The following CFAP65 variants were observed in gnomAD, a reference collection of about 807,000 sequenced individuals.
CFAP65 encodes cilia- and flagella-associated protein 65.
Under a neutral mutation model 208.0 loss-of-function variants are expected in CFAP65, and 155 were observed. The observed-to-expected ratio is 0.75, with a 90% CI of 0.65 to 0.85. CFAP65 has a LOEUF of 0.85. CFAP65 is among the 40% of genes least tolerant of loss of function. The probability of loss-of-function intolerance (pLI) is 0.00; values close to 1 mark genes in which losing one functional copy is unlikely to be tolerated. For missense variants in CFAP65, 2,294 were observed against 2,451.3 expected, an observed-to-expected ratio of 0.94 and a Z score of 1.36; for synonymous variants, 970 against 986.3, an observed-to-expected ratio of 0.98 and a Z score of 0.31.
At position 219,032,493 on chromosome 2, in the gene CFAP65, T is replaced by C; in HGVS notation, c.622A>G (p.Ile208Val). 3.1e-6 allele frequency: 5 copies of C among 1,602,292 alleles called. No individual in the cohort carries two copies. The highest frequency in any genetic ancestry group is 2.6e-6 in the Non-Finnish European group (3 of 1,174,634). ...LSPGITLTLP[I>V]VFRPLEAKEY... ...ACCGCCTCCAGAGGCCGGAAGACGA[T>C]GGGGAGCGTGAGGGTTATGCCTGGG... Residue 208 changes from isoleucine to valine, a missense_variant, in exon 6 of 35, where the codon ATC becomes GTC. By Grantham distance (29) the Ile-to-Val change is conservative (BLOSUM62 3). Around this residue, in one of 2 missense-constraint regions of CFAP65, gnomAD observed 867 missense variants for 1,012.6 expected, o/e 0.86. Coordinates refer to ENST00000341552, the MANE Select transcript of CFAP65 (RefSeq NM_194302.4). This position sits in a 1 kb window ranked among gnomAD's most constrained non-coding sequence, Gnocchi z 5.5.
chr2:219,037,219 C>T lies in CFAP65; in HGVS notation c.357+1156G>A, dbSNP rs377122260. 1.2e-3 allele frequency among the ~76,000 whole-genome samples: 179 copies of T among 152,068 alleles called. 1 individual carries two copies. The highest frequency in any genetic ancestry group is 4.1e-3 in the African/African-American group (170 of 41,486). On this transcript the variant is annotated intron_variant, in intron 4 of 34. Coordinates refer to ENST00000341552, the MANE Select transcript of CFAP65 (RefSeq NM_194302.4). ...AGCCTGGCCAATATGGTGAAACCCC[C>T]GTCTCTACTAAAAATACAAAAAATT...
intron 28 of CFAP65, 39 bp from the exon 29 acceptor site, chr2:219,009,193 G>C: frequency 6.3e-7 from 1 of 1,585,982 alleles, no homozygotes; most frequent in Non-Finnish European, 8.6e-7. Flanking sequence ...CCAAGGTCTG[G>C]AGCTTGCCCG....
In CFAP65 at chr2:219,003,079, TGCCCCCGTG is replaced by T. The variant is rs1945687288; in HGVS notation, c.5693+47_5693+55del. On this transcript the variant is annotated intron_variant, in intron 34 of 34. Coordinates refer to ENST00000341552, the MANE Select transcript of CFAP65 (RefSeq NM_194302.4). This position sits in a 1 kb window ranked among gnomAD's most constrained non-coding sequence, Gnocchi z 4.4. ...GGCGAGGCTTCGGGCAGAGCCTGGC[TGCCCCCGTG>T]GCCCCTCTCGCGCGGTCTGCGCGGC... 2.6e-6 allele frequency: 4 copies of T among 1,548,378 alleles called. No individual in the cohort carries two copies. Among genetic ancestry groups the T allele is most frequent in the Non-Finnish European group, 3.5e-6 (4 of 1,145,226 alleles).
In CFAP65 at chr2:219,021,907, A is replaced by G. The variant is rs567062807; in HGVS notation, c.3003T>C (p.Phe1001=). Residue 1001 remains phenylalanine (F), a synonymous_variant, in exon 18 of 35, where the codon TTT becomes TTC. Coordinates refer to ENST00000341552, the MANE Select transcript of CFAP65 (RefSeq NM_194302.4). ...SLSAKEKELA[F]GNVLVNSKQS... ...GCTTGCTGTTCACCAGCACATTCCC[A>G]AAGGCCAGCTCCTTTTCCTTTGCCT... 5.0e-6 allele frequency: 8 copies of G among 1,613,654 alleles called. No individual in the cohort carries two copies. The African/African-American group carries it at 1.1e-4, about 22-fold the overall frequency.
rs5838715 is a variant in CFAP65 at position 219,031,925 on chromosome 2, C to CT, written c.646-268dup. Among the ~76,000 whole-genome samples, 310 of 131,354 alleles carry CT rather than the reference C, an allele frequency of 2.4e-3. No individual in the cohort carries two copies. Among genetic ancestry groups the CT allele is most frequent in the Middle Eastern group, 3.9e-3 (1 of 254 alleles). The allele number at this position is 131,354 out of a possible 152,430, so 86.2% of individuals were successfully genotyped here. A position where few individuals can be genotyped will look rare whatever the true frequency, so the allele number is the denominator to read the frequency against. ...ATGTAGAAGGGGTTTCTTTTCTTTT[C>CT]TTTTTTTTTTTTTTTTTTTGAGTCT... On this transcript the variant is annotated intron_variant, in intron 6 of 34. Transcript: ENST00000341552. This position sits in a 1 kb window ranked among gnomAD's most constrained non-coding sequence, Gnocchi z 5.2.
rs1945799274 is a variant in CFAP65 at position 219,004,540 on chromosome 2, T to C, written c.5052-85A>G. The C allele has an allele frequency of 3.4e-6, 5 of 1,455,810 alleles. No individual in the cohort carries two copies. Among genetic ancestry groups the C allele is most frequent in the Middle Eastern group, 2.1e-4 (1 of 4,858 alleles). 90.2% of individuals were successfully genotyped at this position (1,455,810 alleles called of 1,614,324 possible). ...CCTGGCTTCAGAGCTAGGTTCTAGG[T>C]GGGAAAGGGGCTGCTAGGTGGGGAG... is the stretch of plus-strand genomic sequence containing the variant. On this transcript the variant is annotated intron_variant, in intron 32 of 34. Transcript: ENST00000341552. The surrounding 1 kb of genome is among the most constrained non-coding windows in gnomAD (Gnocchi z 4.7).
chr2:219,023,117 T>C, intron 16 of CFAP65, 90 bp downstream of exon 16: 2 of 1,103,294 alleles, frequency 1.8e-6, no homozygotes, highest in Non-Finnish European at 2.7e-6. Flanking sequence ...AATTGGGGGC[T>C]GCACATGGCA....
At chr2:219,019,355 C>T in intron 20 of CFAP65, 151 bp downstream of exon 20, 9 of 1,034,182 alleles carry the variant, frequency 8.7e-6, no homozygotes, top group South Asian at 1.7e-5. Context: ...CTTCCCTGGG[C>T]CCCTCCAGGG....
chr2:219,003,294 C>T lies in CFAP65; in HGVS notation c.5556-22G>A. ...GAGCCTGCGAGGGGGCGGGGGCTAGCATGAGGGCGGCCGCAGTGCCCGCGC... is the reference window on the plus strand; with the variant it reads ...GAGCCTGCGAGGGGGCGGGGGCTAGTATGAGGGCGGCCGCAGTGCCCGCGC... On this transcript the variant is annotated intron_variant, in intron 33 of 34. Coordinates refer to ENST00000341552, the MANE Select transcript of CFAP65 (RefSeq NM_194302.4). The surrounding 1 kb of genome is among the most constrained non-coding windows in gnomAD (Gnocchi z 4.4). The T allele has an allele frequency of 6.6e-7, 1 of 1,505,198 alleles. No individual in the cohort carries two copies. Among genetic ancestry groups the T allele is most frequent in the Non-Finnish European group, 8.9e-7 (1 of 1,124,896 alleles). The allele number at this position is 1,505,198 out of a possible 1,614,324, so 93.2% of individuals were successfully genotyped here.
intron 15 of CFAP65, 86 bp downstream of exon 15, chr2:219,023,929 C>T (rs1314053885): frequency 3.3e-6 from 5 of 1,502,384 alleles, no homozygotes; most frequent in Non-Finnish European, 4.5e-6. Context: ...ATCTTAGGGG[C>T]CAACCCCAGA....
intron 21 of CFAP65, chr2:219,015,621 A>C (rs772115188): frequency 2.0e-5 from 3 of 152,258 alleles, no homozygotes; most frequent in Non-Finnish European, 4.4e-5. Flanking sequence ...CTTGGACGGA[A>C]GTTTGGCAGC....
rs1167741828 is a variant in CFAP65 at position 219,031,267 on chromosome 2, G to A, written c.854C>T (p.Pro285Leu). 6.2e-7 allele frequency: 1 copy of A among 1,613,982 alleles called. No individual in the cohort carries two copies. The highest frequency in any genetic ancestry group is 1.7e-5 in the Admixed American group (1 of 60,006). The change falls in exon 8 of 35, where the codon CCA becomes CTA. Residue 285 changes from proline to leucine, a missense_variant. Physicochemically the swap from Pro to Leu is moderately conservative, Grantham distance 98. This residue lies in a region of CFAP65 where 867 missense variants were observed against 1,012.6 expected (regional missense o/e 0.86). Coordinates refer to ENST00000341552, the MANE Select transcript of CFAP65 (RefSeq NM_194302.4). This position sits in a 1 kb window ranked among gnomAD's most constrained non-coding sequence, Gnocchi z 5.2. ...PTFFTWEFSS[P>L]FQMLPATGLL... ...CCCCGTGGCGGGCAGCATCTGGAAT[G>A]GGCTGGAGAACTCCCAGGTGAAGAA...
intron 14 of CFAP65, among the ~76,000 whole-genome samples, chr2:219,025,651 C>T (rs1057166412): frequency 2.0e-5 from 3 of 152,164 alleles, no homozygotes; most frequent in African/African-American, 7.2e-5. Context: ...GCTGCTGGTG[C>T]GGCTGTCATA....
At position 219,022,230 on chromosome 2, in the gene CFAP65, C is replaced by A. The variant is rs745455385; in HGVS notation, c.2920G>T (p.Ala974Ser). 3.7e-6 allele frequency: 6 copies of A among 1,606,118 alleles called. No individual in the cohort carries two copies. The South Asian group carries it at 5.6e-5, about 15-fold the overall frequency. Residue 974 changes from alanine to serine, a missense_variant, in exon 17 of 35, where the codon GCT (alanine) becomes TCT (serine). Physicochemically the swap from Ala to Ser is moderately conservative, Grantham distance 99. Around this residue, in one of 2 missense-constraint regions of CFAP65, gnomAD observed 1,427 missense variants for 1,438.7 expected, o/e 0.99. Transcript: ENST00000341552. ...EAGLSPNANP[A>S]ATTHYMLRLV... is the part of the protein sequence containing the mutation. The stretch of plus-strand genomic sequence containing the variant: ...CGGAGCATGTAGTGGGTGGTGGCAG[C>A]GGGGTTGGCATTTGGGGACAGGCCG...
chr2:219,026,140 T>A lies in CFAP65; in HGVS notation c.2231A>T (p.Asn744Ile). The A allele has an allele frequency of 6.2e-7, 1 of 1,612,996 alleles. No individual in the cohort carries two copies. Among genetic ancestry groups the A allele is most frequent in the Admixed American group, 1.7e-5 (1 of 60,006 alleles). Residue 744 changes from asparagine (N) to isoleucine (I), a missense_variant, in exon 14 of 35, where the codon AAT becomes ATT. Asn to Ile is a moderately radical substitution (Grantham distance 149). Transcript: ENST00000341552. ...AIYKVLQSYS[N>I]IEEDCTMCPS... ...GCACATGGTGCAGTCCTCCTCAATA[T>A]TACTGTAGCTCTGCAGGACCTGCAG...
At chr2:219,017,349 T>C (rs1461719559) in intron 21 of CFAP65, among the ~76,000 whole-genome samples, 2 of 152,162 alleles carry the variant, frequency 1.3e-5, no homozygotes, top group Non-Finnish European at 2.9e-5. Context: ...GGCAGCTGCA[T>C]GGTTCCCTGC....
chr2:219,035,251 A>G lies in CFAP65; in HGVS notation c.542+229T>C, dbSNP rs946505715. The G allele has an allele frequency of 1.2e-5, 17 of 1,403,714 alleles. No individual in the cohort carries two copies. The African/African-American group carries it at 2.2e-4, about 18-fold the overall frequency. 87.0% of individuals were successfully genotyped at this position (1,403,714 alleles called of 1,614,324 possible). ...AATAGAAACAGCCCAAACTTCCTTC[A>G]TTCTGGATGAATACATTATGGTACA... On this transcript the variant is annotated intron_variant, in intron 5 of 34. Coordinates refer to ENST00000341552, the MANE Select transcript of CFAP65 (RefSeq NM_194302.4).
At chr2:219,014,337 A>T in intron 21 of CFAP65, 1 of 253,284 alleles carries the variant, frequency 3.9e-6, no homozygotes, top group Non-Finnish European at 7.5e-6. Context: ...TATGGGGGCC[A>T]CTTTGAGCTG....
chr2:219,022,694 T>C (rs1468619784), intron 16 of CFAP65, among the ~76,000 whole-genome samples: 2 of 152,210 alleles, frequency 1.3e-5, no homozygotes, highest in Non-Finnish European at 2.9e-5. Context: ...CCTTGGCTCT[T>C]ACAGATGCCT....
Sources: gnomAD v4.1 joint callset for allele counts (sites outside exome capture counted in the v4.1 genomes callset) on GRCh38, gnomAD v4.1.1 for gene constraint, gnomAD v4.1.1 regional missense constraint, Gnocchi (gnomAD v3.1) non-coding constraint, MANE v1.5 for transcripts, NCBI Gene and HGNC (gene_info 2026-07-23, HGNC 2026-07-21) for gene names.